Variants in CTDSPL2 observed in about 807,000 individuals in gnomAD.
The protein encoded by CTDSPL2 is CTD small phosphatase like 2.
A neutral mutation model predicts 60.0 loss-of-function variants in CTDSPL2; 5 were observed. The observed-to-expected ratio is 0.08, with a 90% CI of 0.04 to 0.18. The LOEUF is 0.18. Among genes scored for constraint, CTDSPL2 ranks in the 10% least tolerant of loss-of-function variants. The pLI, the probability that CTDSPL2 is intolerant of heterozygous loss-of-function variation, is 1.00. For synonymous variants in CTDSPL2, 186 were observed against 189.3 expected (o/e 0.98, Z 0.14); for missense variants, 370 against 548.8 (o/e 0.67, Z 3.26).
intron 1 of CTDSPL2, among the ~76,000 whole-genome samples, chr15:44,436,440 C>T (rs1289339525): frequency 6.6e-6 from 1 of 152,210 alleles, no homozygotes; most frequent in Non-Finnish European, 1.5e-5. Context: ...TAATTAATGA[C>T]TCATCTCCCA....
At chr15:44,461,201 C>T (rs867188664) in intron 2 of CTDSPL2, among the ~76,000 whole-genome samples, 2 of 152,076 alleles carry the variant, frequency 1.3e-5, no homozygotes, top group Admixed American at 1.3e-4. Flanking sequence ...GAATTCTATT[C>T]ATATTTATAG....
At chr15:44,446,956 T>C (rs1408381069) in intron 1 of CTDSPL2, among the ~76,000 whole-genome samples, 1 of 151,930 alleles carries the variant, frequency 6.6e-6, no homozygotes, top group Non-Finnish European at 1.5e-5. Context: ...AGTTTCACCA[T>C]GTTGGCCAGG....
chr15:44,485,813 GA>G (rs1005737177), intron 3 of CTDSPL2, among the ~76,000 whole-genome samples: 5 of 152,106 alleles, frequency 3.3e-5, no homozygotes, highest in Non-Finnish European at 7.4e-5. Context: ...CCAGGAGGGA[GA>G]AAAAGACTGA....
At position 44,490,123 on chromosome 15, in the gene CTDSPL2, C is replaced by A. The variant is rs145495798; in HGVS notation, c.476-661C>A. On this transcript the variant is annotated intron_variant, in intron 4 of 12. Transcript: ENST00000260327. ...AAGATTCCAGAAGGAAATGGAAAGA[C>A]CTGGGATTATTATTTTTTCTTTTTT... 7.0e-4 allele frequency among the ~76,000 whole-genome samples: 106 copies of A among 152,024 alleles called. 5 individuals carry two copies. In the East Asian group the frequency reaches 0.02, roughly 29 times the overall value.
chr15:44,472,040 T>G (rs893047152), intron 2 of CTDSPL2, among the ~76,000 whole-genome samples: 1 of 152,224 alleles, frequency 6.6e-6, no homozygotes, highest in African/African-American at 2.4e-5. Context: ...TATTTCCTTT[T>G]TATTGCCAAG....
At chr15:44,430,677 A>T (rs1405055911) in intron 1 of CTDSPL2, among the ~76,000 whole-genome samples, 1 of 152,252 alleles carries the variant, frequency 6.6e-6, no homozygotes, top group African/African-American at 2.4e-5. Context: ...GAAAGCATAA[A>T]GTAGAAAAGA....
At chr15:44,428,090 C>T (rs2079783267) in intron 1 of CTDSPL2, 1 of 170,640 alleles carries the variant, frequency 5.9e-6, no homozygotes, top group Non-Finnish European at 1.2e-5. Flanking sequence ...AGTCCCCAAC[C>T]TCTGGGTAAT....
chr15:44,518,302 G>C (rs1338301482), intron 10 of CTDSPL2, among the ~76,000 whole-genome samples: 3 of 152,112 alleles, frequency 2.0e-5, no homozygotes, highest in Non-Finnish European at 4.4e-5. Context: ...ACAATTATTA[G>C]TAATGTTCAG....
Position 44,528,747 on chromosome 15 carries a change from CTT to C in CTDSPL2, c.*4575_*4576del, listed in dbSNP as rs2081905805. ...TTCACTATTTTTTTATTTTATAAATCTTTGTAGAAATAAGCAATGAAATACTA... is the reference window on the plus strand; with the variant it reads ...TTCACTATTTTTTTATTTTATAAATCTGTAGAAATAAGCAATGAAATACTA... On this transcript the variant is annotated 3_prime_UTR_variant, in exon 13 of 13. Transcript: ENST00000260327. The C allele has an allele frequency of 6.6e-6, 1 of 151,744 alleles. No individual in the cohort carries two copies. Among genetic ancestry groups the C allele is most frequent in the African/African-American group, 2.4e-5 (1 of 41,296 alleles). The allele number at this position is 151,744 out of a possible 1,614,324, so 9.4% of individuals were successfully genotyped here.
chr15:44,472,205 A>C (rs931548220), intron 2 of CTDSPL2, among the ~76,000 whole-genome samples: 6 of 152,164 alleles, frequency 3.9e-5, no homozygotes, highest in African/African-American at 1.4e-4. Flanking sequence ...GTCTTGGGTA[A>C]GAGCTTGAAT....
intron 1 of CTDSPL2, among the ~76,000 whole-genome samples, chr15:44,457,604 G>C (rs745930740): frequency 1.3e-5 from 2 of 152,000 alleles, no homozygotes; most frequent in Middle Eastern, 3.4e-3. Context: ...TTGGTTGGGG[G>C]GGGTGGTGCG....
chr15:44,498,600 G>A (rs780871586), intron 7 of CTDSPL2, among the ~76,000 whole-genome samples: 1 of 150,608 alleles, frequency 6.6e-6, no homozygotes, highest in Non-Finnish European at 1.5e-5. Context: ...TTAAAAGGAA[G>A]GAAAGAAAAT....
intron 4 of CTDSPL2, among the ~76,000 whole-genome samples, chr15:44,489,976 A>G (rs1235003303): frequency 2.0e-5 from 3 of 152,222 alleles, no homozygotes. Flanking sequence ...GAAGGGTATC[A>G]GAAAAACCTT....
rs1428116231 is a variant in CTDSPL2 at position 44,526,637 on chromosome 15, TAC to T, written c.*2465_*2466del. ...TGTTAATACAAAATTTAAGATAATT[TAC>T]AGAGACAATTTATCCAGCTTCCTTC... On this transcript the variant is annotated 3_prime_UTR_variant, in exon 13 of 13. Coordinates refer to ENST00000260327, the MANE Select transcript of CTDSPL2 (RefSeq NM_016396.3). 3 of 152,202 alleles carry T rather than the reference TAC, an allele frequency of 2.0e-5. No homozygotes were observed. The highest frequency in any genetic ancestry group is 2.9e-5 in the Non-Finnish European group (2 of 68,002). 9.4% of individuals were successfully genotyped at this position (152,202 alleles called of 1,614,324 possible).
Position 44,497,449 on chromosome 15 carries a change from T to C in CTDSPL2, c.882+311T>C, listed in dbSNP as rs866939828. 3.0e-4 allele frequency among the ~76,000 whole-genome samples: 46 copies of C among 152,262 alleles called. 1 individual carries two copies. The South Asian group carries it at 5.2e-3, about 17-fold the overall frequency. On this transcript the variant is annotated intron_variant, in intron 7 of 12. Transcript: ENST00000260327. ...GGTGCGATCTCAGCTCACTGCAAGC[T>C]CCGCCTCCCGGGTTTACACAATTCT...
chr15:44,451,423 T>G (rs773366062), intron 1 of CTDSPL2, among the ~76,000 whole-genome samples: 10 of 152,146 alleles, frequency 6.6e-5, no homozygotes, highest in Non-Finnish European at 1.5e-4. Context: ...AGTTCTAAAA[T>G]GATGTGTATT....
At position 44,524,380 on chromosome 15, in the gene CTDSPL2, A is replaced by G; in HGVS notation, c.*206A>G. On this transcript the variant is annotated 3_prime_UTR_variant, in exon 13 of 13. Transcript: ENST00000260327. ...ATACATATAGTAGGTAGGCTAAAAC[A>G]GAAGAGTCTTTAGAACTAGTGCAAC... 3.7e-6 allele frequency: 2 copies of G among 539,278 alleles called. No homozygotes were observed. Among genetic ancestry groups the G allele is most frequent in the Non-Finnish European group, 3.3e-6 (1 of 303,236 alleles). 33.4% of individuals were successfully genotyped at this position (539,278 alleles called of 1,614,324 possible).
In CTDSPL2 at chr15:44,494,928, CAA is replaced by C. The variant is rs201704999; in HGVS notation, c.692-1450_692-1449del. On this transcript the variant is annotated intron_variant, in intron 5 of 12. Transcript: ENST00000260327. ...GAGACTCCGCCTCAACACAAACAAA[CAA>C]AGAAAAAAACAGAATGTCTGCATAG... is the stretch of plus-strand genomic sequence containing the variant. 4.0e-3 allele frequency among the ~76,000 whole-genome samples: 610 copies of C among 151,904 alleles called. 15 individuals carry two copies. The highest frequency in any genetic ancestry group is 0.038 in the East Asian group (195 of 5,138).
At chr15:44,473,192 T>C (rs1396540820) in intron 2 of CTDSPL2, among the ~76,000 whole-genome samples, 2 of 152,226 alleles carry the variant, frequency 1.3e-5, no homozygotes, top group African/African-American at 4.8e-5. Context: ...ACAGAACTTT[T>C]ACATTTTGAT....
Sources: gnomAD v4.1 joint callset for allele counts (sites outside exome capture counted in the v4.1 genomes callset) on GRCh38, gnomAD v4.1.1 for gene constraint, MANE v1.5 for transcripts, NCBI Gene and HGNC (gene_info 2026-07-23, HGNC 2026-07-21) for gene names.